REDIC1: variants seen among roughly 807,000 people sequenced by gnomAD.
REDIC1 encodes regulator of DNA class I crossover intermediates 1, also known as HEI10 Interacting Protein 1.
At chr12:39,711,641 GTATACACATGTATGTATGTC>G in the REDIC1 span, among the ~76,000 whole-genome samples, 7 of 136,792 alleles carry the variant, frequency 5.1e-5, no homozygotes, top group East Asian at 2.4e-4. Context: ...GTGTATATGT[GTATACACATGTATGTATGTC>G]TATACACATG....
chr12:39,711,592 TATGTGTATAC>T, the REDIC1 span, among the ~76,000 whole-genome samples: 2 of 13,450 alleles, frequency 1.5e-4, no homozygotes, highest in Admixed American at 8.2e-4. Context: ...TGCATGTGTA[TATGTGTATAC>T]ACATGCATGT....
At chr12:39,637,187 C>T in the REDIC1 span, among the ~76,000 whole-genome samples, 5 of 151,586 alleles carry the variant, frequency 3.3e-5, no homozygotes, top group Admixed American at 2.0e-4. Flanking sequence ...ATTTATATTA[C>T]TACTATCTAG....
chr12:39,675,310 C>T, the REDIC1 span, among the ~76,000 whole-genome samples: 1 of 152,148 alleles, frequency 6.6e-6, no homozygotes, highest in Non-Finnish European at 1.5e-5. Context: ...TAACTCTGCC[C>T]TTACCTGATT....
chr12:39,860,676 A>G, the REDIC1 span, among the ~76,000 whole-genome samples: 1 of 152,170 alleles, frequency 6.6e-6, no homozygotes, highest in Non-Finnish European at 1.5e-5. Context: ...TTGAGAACCA[A>G]CCAAAGACTC....
At chr12:39,719,463 A>C in the REDIC1 span, among the ~76,000 whole-genome samples, 9 of 151,992 alleles carry the variant, frequency 5.9e-5, no homozygotes, top group Non-Finnish European at 1.2e-4. Flanking sequence ...AAATACAAAA[A>C]ATTAGTCAGA....
chr12:39,629,899 T>C, the REDIC1 span, among the ~76,000 whole-genome samples: 1 of 152,158 alleles, frequency 6.6e-6, no homozygotes, highest in Non-Finnish European at 1.5e-5. Flanking sequence ...CCTTGTTAAA[T>C]TTTTTGATAC....
At chr12:39,733,149 CAAATT>C in the REDIC1 span, among the ~76,000 whole-genome samples, 8 of 151,370 alleles carry the variant, frequency 5.3e-5, no homozygotes, top group African/African-American at 1.7e-4. Flanking sequence ...AAATTCAAAA[CAAATT>C]AAAGAAAAAT....
the REDIC1 span, among the ~76,000 whole-genome samples, chr12:39,680,181 A>G: frequency 6.6e-6 from 1 of 152,276 alleles, no homozygotes; most frequent in South Asian, 2.1e-4. Context: ...ATAATCAGCA[A>G]AGTAAACAGA....
At chr12:39,836,342 A>G in the REDIC1 span, among the ~76,000 whole-genome samples, 1 of 152,108 alleles carries the variant, frequency 6.6e-6, no homozygotes, top group African/African-American at 2.4e-5. Flanking sequence ...TTAGAACCAA[A>G]TGGTTCTTTT....
the REDIC1 span, among the ~76,000 whole-genome samples, chr12:39,734,095 G>C: frequency 6.6e-6 from 1 of 152,336 alleles, no homozygotes; most frequent in East Asian, 1.9e-4. Flanking sequence ...GAGAAGTGTT[G>C]TATCTGGGCT....
the REDIC1 span, among the ~76,000 whole-genome samples, chr12:39,712,783 A>T: frequency 7.1e-6 from 1 of 141,556 alleles, no homozygotes; most frequent in Non-Finnish European, 1.6e-5. Context: ...ACATGTGTAT[A>T]TACGTATATG....
At chr12:39,785,862 A>G in the REDIC1 span, among the ~76,000 whole-genome samples, 3 of 152,168 alleles carry the variant, frequency 2.0e-5, no homozygotes, top group South Asian at 6.2e-4. Context: ...CATGGGGCCT[A>G]TAACCACTTT....
At chr12:39,636,508 G>A in the REDIC1 span, among the ~76,000 whole-genome samples, 2 of 151,962 alleles carry the variant, frequency 1.3e-5, no homozygotes, top group Non-Finnish European at 2.9e-5. Context: ...ATGTTAATAA[G>A]TCTACCAGCT....
At chr12:39,694,259 A>C in the REDIC1 span, among the ~76,000 whole-genome samples, 1 of 152,134 alleles carries the variant, frequency 6.6e-6, no homozygotes, top group African/African-American at 2.4e-5. Context: ...ATCTACACAC[A>C]AAAAAACACC....
At chr12:39,793,294 G>A in the REDIC1 span, among the ~76,000 whole-genome samples, 1 of 152,082 alleles carries the variant, frequency 6.6e-6, no homozygotes, top group African/African-American at 2.4e-5. Context: ...GTGCAAAATT[G>A]TACATTAAAA....
chr12:39,764,771 C>T, the REDIC1 span: 2 of 1,612,752 alleles, frequency 1.2e-6, no homozygotes, highest in Non-Finnish European at 8.5e-7. Flanking sequence ...AAATAAGGCC[C>T]AGAAGTGCAG....
chr12:39,735,152 A>C, the REDIC1 span, among the ~76,000 whole-genome samples: 2 of 152,048 alleles, frequency 1.3e-5, no homozygotes, highest in Admixed American at 6.5e-5. Flanking sequence ...CCATATCAAA[A>C]CCCTAAAACA....
At chr12:39,870,075 A>C in the REDIC1 span, among the ~76,000 whole-genome samples, 1 of 152,218 alleles carries the variant, frequency 6.6e-6, no homozygotes, top group African/African-American at 2.4e-5. Flanking sequence ...AACTGATAAG[A>C]AAGTGTTTTA....
At chr12:39,679,209 C>G in the REDIC1 span, among the ~76,000 whole-genome samples, 4 of 152,212 alleles carry the variant, frequency 2.6e-5, no homozygotes, top group East Asian at 7.7e-4. Flanking sequence ...TAAAGAGGAA[C>G]TCAAACTGTT....
Sources: allele counts gnomAD v4.1 joint callset (sites outside exome capture counted in the v4.1 genomes callset), GRCh38; gene constraint gnomAD v4.1.1; transcripts MANE v1.5; gene names NCBI Gene and HGNC (gene_info 2026-07-23, HGNC 2026-07-21).